The following TAS2R1 variants were observed in gnomAD, a reference collection of about 807,000 sequenced individuals.
TAS2R1 encodes the protein taste receptor type 2 member 1.
For missense variants in TAS2R1, 370 were observed against 353.4 expected (o/e 1.05, Z -0.38); for synonymous variants, 141 against 134.2 (o/e 1.05, Z -0.35).
the TAS2R1 span, among the ~76,000 whole-genome samples, chr5:9,865,213 G>A: frequency 1.1e-4 from 17 of 152,176 alleles, no homozygotes; most frequent in African/African-American, 3.9e-4. Flanking sequence ...TGTCCTGGAT[G>A]AGGGTATGAA....
the TAS2R1 span, among the ~76,000 whole-genome samples, chr5:9,816,323 T>C: frequency 6.6e-6 from 1 of 152,160 alleles, no homozygotes; most frequent in Non-Finnish European, 1.5e-5. Context: ...TATATAAGTA[T>C]ATGTGATAAT....
intron 1 of TAS2R1, among the ~76,000 whole-genome samples, chr5:9,676,618 T>C (rs1561376010): frequency 6.6e-6 from 1 of 152,138 alleles, no homozygotes; most frequent in Non-Finnish European, 1.5e-5. Context: ...AAATAGATTA[T>C]AAATCCAAAT....
At chr5:9,840,259 A>C in the TAS2R1 span, among the ~76,000 whole-genome samples, 1 of 152,310 alleles carries the variant, frequency 6.6e-6, no homozygotes, top group Non-Finnish European at 1.5e-5. Flanking sequence ...CTGAGCCTCA[A>C]AAAAGTGTAG....
chr5:9,777,365 A>AT, the TAS2R1 span, among the ~76,000 whole-genome samples: 1 of 152,236 alleles, frequency 6.6e-6, no homozygotes, highest in East Asian at 1.9e-4. Flanking sequence ...CCAGGAGTAG[A>AT]TTCCCTCTCA....
chr5:9,665,268 G>A (rs1435824995), intron 1 of TAS2R1, among the ~76,000 whole-genome samples: 1 of 152,176 alleles, frequency 6.6e-6, no homozygotes, highest in East Asian at 1.9e-4. Context: ...CTGCTTTTAA[G>A]GGCTCCTGCT....
rs188920531 is a variant in TAS2R1, at chr5:9,706,431, C to T, written c.-242+5741G>A. Among the ~76,000 whole-genome samples the T allele has an allele frequency of 4.3e-4, 66 of 152,314 alleles. No individual in the cohort carries two copies. In the East Asian group the frequency reaches 8.3e-3, roughly 19 times the overall value. On this transcript the variant is annotated intron_variant, in intron 1 of 2. Transcript: ENST00000506620. Reference sequence around the variant, plus strand: ...TAGACGGGGTCTTCCGAGCAATTCCCAGACTCTCAGAGGCCACAGCGTCAT... The same window carrying T: ...TAGACGGGGTCTTCCGAGCAATTCCTAGACTCTCAGAGGCCACAGCGTCAT...
rs575602758 is a variant in TAS2R1 at position 9,640,149 on chromosome 5, A to C, written c.-80-10157T>G. On this transcript the variant is annotated intron_variant, in intron 2 of 2. Transcript: ENST00000506620. ...ACTCAAAGGCCATTTTAGTATTATT[A>C]ATTGGCCTCATTTTAATATTGTTGC... Among the ~76,000 whole-genome samples the C allele has an allele frequency of 4.3e-4, 65 of 152,230 alleles. 1 individual carries two copies. The South Asian group carries it at 0.013, about 31-fold the overall frequency.
the TAS2R1 span, among the ~76,000 whole-genome samples, chr5:9,740,911 T>A: frequency 1.3e-5 from 2 of 152,220 alleles, no homozygotes; most frequent in African/African-American, 2.4e-5. Context: ...AACAAAAATC[T>A]GAGTAATTAG....
At chr5:9,688,244 G>T (rs146297761) in intron 1 of TAS2R1, among the ~76,000 whole-genome samples, 1 of 152,270 alleles carries the variant, frequency 6.6e-6, no homozygotes, top group African/African-American at 2.4e-5. Context: ...AATCGAGCAT[G>T]TTAAGACAGA....
rs767176914 is a variant in TAS2R1 at position 9,629,333 on chromosome 5, G to T, written c.700C>A (p.Leu234Met). Reference sequence around the variant, plus strand: ...ATGCAGTGGGAGAAGTAGAGGATCAGGAAGGACAGGATAGACAGCAACGCG... The same window carrying T: ...ATGCAGTGGGAGAAGTAGAGGATCATGAAGGACAGGATAGACAGCAACGCG... ...ISALLSILSF[L>M]ILYFSHCMIK... The change falls in exon 1 of 1, where the codon CTG (leucine) becomes ATG (methionine). Residue 234 changes from leucine (L) to methionine (M), a missense_variant. Coordinates refer to ENST00000382492, the MANE Select transcript of TAS2R1 (RefSeq NM_019599.3). The T allele has an allele frequency of 6.2e-7, 1 of 1,613,786 alleles. No individual in the cohort carries two copies. Among genetic ancestry groups the T allele is most frequent in the Non-Finnish European group, 8.5e-7 (1 of 1,179,872 alleles).
chr5:9,706,822 C>G (rs1741624276), intron 1 of TAS2R1, among the ~76,000 whole-genome samples: 1 of 152,184 alleles, frequency 6.6e-6, no homozygotes, highest in Non-Finnish European at 1.5e-5. Flanking sequence ...ATGGCAAGGC[C>G]TGTCTTAAGC....
chr5:9,894,528 G>T, the TAS2R1 span, among the ~76,000 whole-genome samples: 1 of 152,212 alleles, frequency 6.6e-6, no homozygotes, highest in Admixed American at 6.5e-5. Context: ...AACCCTGGAG[G>T]AAGGCCTCAG....
the TAS2R1 span, among the ~76,000 whole-genome samples, chr5:9,741,925 C>A: frequency 6.6e-6 from 1 of 152,070 alleles, no homozygotes; most frequent in Non-Finnish European, 1.5e-5. Context: ...GATGGAGTTT[C>A]GCTCTTGTTG....
At chr5:9,897,322 G>T in the TAS2R1 span, among the ~76,000 whole-genome samples, 1 of 152,130 alleles carries the variant, frequency 6.6e-6, no homozygotes, top group South Asian at 2.1e-4. Context: ...GGTGGCGCAT[G>T]CCTGTAATCC....
At chr5:9,754,029 T>C in the TAS2R1 span, among the ~76,000 whole-genome samples, 5 of 152,124 alleles carry the variant, frequency 3.3e-5, no homozygotes, top group South Asian at 8.3e-4. Flanking sequence ...GCAAACCAAA[T>C]CCAGCAGCAC....
At chr5:9,663,187 CA>C (rs1227407185) in intron 1 of TAS2R1, among the ~76,000 whole-genome samples, 2 of 151,520 alleles carry the variant, frequency 1.3e-5, no homozygotes, top group African/African-American at 4.8e-5. Flanking sequence ...ATGCAAACTG[CA>C]AAAAAAGATG....
At chr5:9,798,286 G>C in the TAS2R1 span, among the ~76,000 whole-genome samples, 1 of 152,172 alleles carries the variant, frequency 6.6e-6, no homozygotes, top group African/African-American at 2.4e-5. Flanking sequence ...TTCTGGGGTA[G>C]TGTAAATGTC....
chr5:9,630,058 A>G lies in TAS2R1; in HGVS notation c.-26T>C. 1 of 1,512,270 alleles carries G rather than the reference A, an allele frequency of 6.6e-7. No homozygotes were observed. The highest frequency in any genetic ancestry group is 2.4e-5 in the East Asian group (1 of 41,558). The allele number at this position is 1,512,270 out of a possible 1,614,324, so 93.7% of individuals were successfully genotyped here. ...TTTAGGAATAAAAAATTATTTACTT[A>G]AAAAATAATGAAGTTATAAAGTTTT... On this transcript the variant is annotated 5_prime_UTR_variant, in exon 1 of 1. Coordinates refer to ENST00000382492, the MANE Select transcript of TAS2R1 (RefSeq NM_019599.3).
At chr5:9,862,987 A>G in the TAS2R1 span, 2 of 152,318 alleles carry the variant, frequency 1.3e-5, no homozygotes, top group Admixed American at 1.3e-4. Context: ...AGATCTTGAC[A>G]TGGCTGGCTC....
Sources: allele counts gnomAD v4.1 joint callset (sites outside exome capture counted in the v4.1 genomes callset), GRCh38; gene constraint gnomAD v4.1.1; transcripts MANE v1.5; gene names NCBI Gene and HGNC (gene_info 2026-07-23, HGNC 2026-07-21).